CNTN6: variants seen among roughly 807,000 people sequenced by gnomAD.
CNTN6 encodes contactin-6.
In CNTN6, 137 loss-of-function variants were observed where a neutral mutation model predicts 122.8. The observed-to-expected ratio is 1.12, with a 90% CI of 0.97 to 1.29. The LOEUF (loss-of-function observed/expected upper bound fraction) is 1.29. Ranked by LOEUF, CNTN6 falls within the 50% of genes most tolerant of loss-of-function variation. CNTN6 has a pLI of 0.00. For missense variants in CNTN6, 1,634 were observed against 1,223.4 expected (o/e 1.34, Z -5.01); for synonymous variants, 570 against 426.0 (o/e 1.34, Z -4.16).
intron 20 of CNTN6, among the ~76,000 whole-genome samples, chr3:1,386,723 A>G (rs1693020541): frequency 6.6e-6 from 1 of 152,132 alleles, no homozygotes; most frequent in South Asian, 2.1e-4. Flanking sequence ...AATCCTGATG[A>G]ATGAAAGATA....
chr3:1,136,378 G>A (rs553262689), intron 1 of CNTN6, among the ~76,000 whole-genome samples: 4 of 152,188 alleles, frequency 2.6e-5, no homozygotes, highest in Admixed American at 6.5e-5. Context: ...TCTGTGAAGC[G>A]TTCACTGTTG....
chr3:1,363,939 A>G (rs1707838201), intron 12 of CNTN6, among the ~76,000 whole-genome samples: 1 of 151,908 alleles, frequency 6.6e-6, no homozygotes, highest in Admixed American at 6.6e-5. Context: ...TCTTTTTGAC[A>G]GTAGCCATCC....
intron 4 of CNTN6, among the ~76,000 whole-genome samples, chr3:1,275,249 A>C (rs2125774688): frequency 6.6e-6 from 1 of 152,120 alleles, no homozygotes; most frequent in South Asian, 2.1e-4. Flanking sequence ...TTCTTCCTAA[A>C]TCTCATCTCT....
intron 1 of CNTN6, among the ~76,000 whole-genome samples, chr3:1,094,684 G>C (rs1179331239): frequency 6.6e-6 from 1 of 151,386 alleles, no homozygotes; most frequent in African/African-American, 2.4e-5. Context: ...TTTTCTCTGA[G>C]TTTAGAACCC....
intron 2 of CNTN6, among the ~76,000 whole-genome samples, chr3:1,185,248 T>A (rs78026776): frequency 0.011 from 1,722 of 152,296 alleles, 13 homozygotes; most frequent in Middle Eastern, 0.027. Context: ...TTAAGGCGTT[T>A]CATAATTTTT....
At chr3:1,280,118 T>C (rs1693110936) in intron 5 of CNTN6, among the ~76,000 whole-genome samples, 1 of 152,224 alleles carries the variant, frequency 6.6e-6, no homozygotes, top group Non-Finnish European at 1.5e-5. Flanking sequence ...TCTTACGATG[T>C]TATTCAAATA....
At chr3:1,135,303 C>T (rs1047327119) in intron 1 of CNTN6, among the ~76,000 whole-genome samples, 8 of 152,110 alleles carry the variant, frequency 5.3e-5, no homozygotes, top group Admixed American at 3.3e-4. Context: ...CCTCCCAAGG[C>T]GACTCCTATT....
intron 4 of CNTN6, among the ~76,000 whole-genome samples, chr3:1,256,894 T>C (rs964479005): frequency 1.3e-5 from 2 of 152,170 alleles, no homozygotes; most frequent in East Asian, 1.9e-4. Context: ...GAACAGTAGA[T>C]ACTGGGAAGT....
chr3:1,327,416 A>G (rs1481134912), intron 9 of CNTN6, 41 bp from the exon 10 acceptor site: 2 of 1,584,418 alleles, frequency 1.3e-6, no homozygotes, highest in African/African-American at 1.4e-5. Context: ...AGAATGCTAT[A>G]TTAACGTACA....
intron 11 of CNTN6, among the ~76,000 whole-genome samples, chr3:1,333,696 A>C (rs562957883): frequency 2.6e-5 from 4 of 152,104 alleles, no homozygotes; most frequent in African/African-American, 9.7e-5. Context: ...AGAGGGCTCT[A>C]AAGAAACCTA....
At chr3:1,304,630 A>C (rs564567920) in intron 7 of CNTN6, among the ~76,000 whole-genome samples, 2 of 152,228 alleles carry the variant, frequency 1.3e-5, no homozygotes, top group Non-Finnish European at 2.9e-5. Flanking sequence ...AATTATAGAT[A>C]TATTTCCCAT....
At chr3:1,377,144 C>CA in intron 17 of CNTN6, 69 bp downstream of exon 17, 1 of 1,089,524 alleles carries the variant, frequency 9.2e-7, no homozygotes. Context: ...AACTGAAAAA[C>CA]AAAAAGATTT....
intron 7 of CNTN6, among the ~76,000 whole-genome samples, chr3:1,302,377 G>A (rs1355766428): frequency 1.3e-5 from 2 of 152,050 alleles, no homozygotes; most frequent in Admixed American, 6.5e-5. Flanking sequence ...TTGACTTGAG[G>A]AATAAAATCA....
intron 2 of CNTN6, among the ~76,000 whole-genome samples, chr3:1,177,689 C>T (rs1350762546): frequency 6.6e-6 from 1 of 151,996 alleles, no homozygotes; most frequent in Non-Finnish European, 1.5e-5. Flanking sequence ...TTTTTTCTTT[C>T]AGCACTTTAA....
intron 6 of CNTN6, among the ~76,000 whole-genome samples, chr3:1,296,880 T>C (rs770133659): frequency 3.0e-4 from 45 of 152,004 alleles, no homozygotes; most frequent in South Asian, 6.2e-4. Flanking sequence ...CTACTCTGAG[T>C]TTCTGCTTCT....
intron 7 of CNTN6, among the ~76,000 whole-genome samples, chr3:1,309,817 G>A (rs1390505668): frequency 6.6e-6 from 1 of 152,068 alleles, no homozygotes; most frequent in East Asian, 1.9e-4. Context: ...TTATGAGATT[G>A]TATAGTTTTC....
Position 1,350,392 on chromosome 3 carries a change from T to A in CNTN6, c.1365-1932T>A, listed in dbSNP as rs565699557. ...TCTGGAAAAAGCCTGAGTACTAGGA[T>A]AATTAGATATAACTTCATTCTCTCC... On this transcript the variant is annotated intron_variant, in intron 11 of 22. Coordinates refer to ENST00000446702, the MANE Select transcript of CNTN6 (RefSeq NM_001289080.2). Among the ~76,000 whole-genome samples the A allele has an allele frequency of 1.1e-4, 17 of 152,036 alleles. No individual in the cohort carries two copies. In the South Asian group the frequency reaches 3.5e-3, roughly 31 times the overall value.
At chr3:1,137,059 T>C (rs2092494333) in intron 1 of CNTN6, among the ~76,000 whole-genome samples, 1 of 152,202 alleles carries the variant, frequency 6.6e-6, no homozygotes, top group Non-Finnish European at 1.5e-5. Flanking sequence ...TGGCACCCCA[T>C]TCTGTCTCTT....
At chr3:1,204,535 C>G (rs1050591409) in intron 2 of CNTN6, among the ~76,000 whole-genome samples, 1 of 149,014 alleles carries the variant, frequency 6.7e-6, no homozygotes, top group Non-Finnish European at 1.5e-5. Context: ...ATTTCTCTAC[C>G]TCCTGCTGTT....
Sources: gnomAD v4.1 joint callset for allele counts (sites outside exome capture counted in the v4.1 genomes callset) on GRCh38, gnomAD v4.1.1 for gene constraint, MANE v1.5 for transcripts, NCBI Gene and HGNC (gene_info 2026-07-23, HGNC 2026-07-21) for gene names.